Variants in NBPF26 observed in about 807,000 individuals in gnomAD.
The protein encoded by NBPF26 is NBPF member 26.
Under a neutral mutation model 119.6 loss-of-function variants are expected in NBPF26, and 79 were observed. That is an observed-to-expected ratio of 0.66 (90% confidence interval 0.55 to 0.80). NBPF26 has a LOEUF of 0.80. Among genes scored for constraint, NBPF26 ranks in the 30% least tolerant of loss-of-function variants. The pLI is 0.00. For synonymous variants in NBPF26, 299 were observed against 457.7 expected, an observed-to-expected ratio of 0.65 and a Z score of 4.43; for missense variants, 800 against 1,198.2, an observed-to-expected ratio of 0.67 and a Z score of 4.91.
chr1:120,792,396 C>T (rs1370289377), intron 3 of NBPF26, among the ~76,000 whole-genome samples: 5 of 77,152 alleles, frequency 6.5e-5, no homozygotes, highest in South Asian at 3.7e-4. Flanking sequence ...TCTGTGTTTG[C>T]GCACATGTAT....
intron 3 of NBPF26, 80 bp downstream of exon 3, chr1:120,785,313 G>A: frequency 8.7e-7 from 1 of 1,152,568 alleles, no homozygotes; most frequent in East Asian, 2.4e-5. Flanking sequence ...CATGGTGTCT[G>A]GCTCTTAAAT....
At chr1:120,809,213 C>G (rs1190110270) in intron 7 of NBPF26, among the ~76,000 whole-genome samples, 1 of 144,142 alleles carries the variant, frequency 6.9e-6, no homozygotes, top group Non-Finnish European at 1.5e-5. Flanking sequence ...TCTGAAGCAT[C>G]CAAATATGGG....
At position 120,724,284 on chromosome 1, in the gene NBPF26, G is replaced by A. The variant is rs1165592214; in HGVS notation, c.73+34G>A. 2.2e-6 allele frequency: 3 copies of A among 1,372,668 alleles called. 1 individual carries two copies. The highest frequency in any genetic ancestry group is 5.4e-5 in the African/African-American group (2 of 37,252). The allele number at this position is 1,372,668 out of a possible 1,614,324, so 85.0% of individuals were successfully genotyped here. On this transcript the variant is annotated intron_variant, in intron 1 of 29. Transcript: ENST00000620612. ...CGGGCTGAGGGGCGCTGTCCGCGGC[G>A]CCCGGGGCTGCCACCTGGGGCGACC... is the stretch of plus-strand genomic sequence containing the variant.
rs1651163561 is a variant in NBPF26, at chr1:120,764,138, T to A, written c.155+429T>A. Among the ~76,000 whole-genome samples the A allele has an allele frequency of 1.8e-5, 2 of 111,858 alleles. 1 individual carries two copies. Among genetic ancestry groups the A allele is most frequent in the Non-Finnish European group, 3.4e-5 (2 of 58,386 alleles). The allele number at this position is 111,858 out of a possible 152,430, so 73.4% of individuals were successfully genotyped here. A position where few individuals can be genotyped will look rare whatever the true frequency, so the allele number is the denominator to read the frequency against. On this transcript the variant is annotated intron_variant, in intron 2 of 29. Coordinates refer to ENST00000620612, the Ensembl canonical transcript of NBPF26. ...GGCGCATGACTGGAGTCCCAGCTAC[T>A]CGGGAGGCTGAGGCAGGAGAGTGAC... is the stretch of plus-strand genomic sequence containing the variant.
rs1339303940 is a variant in NBPF26 at position 120,787,176 on chromosome 1, A to AAT, written c.415+1954_415+1955dup. ...CCCAAAGTGTCTTGGTGGCAATCTT[A>AAT]ATATATATATATTGGCAATCTTTAT... On this transcript the variant is annotated intron_variant, in intron 3 of 29. Transcript: ENST00000620612. 8.7e-5 allele frequency among the ~76,000 whole-genome samples: 8 copies of AAT among 91,568 alleles called. 2 individuals are homozygous for AAT. The highest frequency in any genetic ancestry group is 6.8e-4 in the South Asian group (2 of 2,944). 60.1% of individuals were successfully genotyped at this position (91,568 alleles called of 152,430 possible).
At chr1:120,793,123 T>C (rs1333099387) in intron 3 of NBPF26, 38 bp from the exon 4 acceptor site, 1 of 884,184 alleles carries the variant, frequency 1.1e-6, no homozygotes, top group Non-Finnish European at 1.7e-6. Flanking sequence ...ATCTCCTATT[T>C]CTGTGGCCAG....
chr1:120,828,739 AT>A (rs1652281335), intron 18 of NBPF26, among the ~76,000 whole-genome samples: 1 of 98,938 alleles, frequency 1.0e-5, no homozygotes, highest in Non-Finnish European at 1.8e-5. Context: ...TGGCATAACC[AT>A]TTGCACAAAC....
In NBPF26 at chr1:120,840,543, G is replaced by C; in HGVS notation, c.4297G>C (p.Val1433Leu). Reference sequence around the variant, plus strand: ...GGACAATAGGTTTTTTACTTTGACGGTGACAAGTCTCCACCTGGTGTTCCA... The same window carrying C: ...GGACAATAGGTTTTTTACTTTGACGCTGACAAGTCTCCACCTGGTGTTCCA... Residue 1433 changes from valine (V) to leucine (L), a missense_variant, in exon 30 of 30, where the codon GTG becomes CTG. Around this residue, in one of 13 missense-constraint regions of NBPF26, gnomAD observed 155 missense variants for 95.9 expected, o/e 1.62. Transcript: ENST00000620612. 4.8e-6 allele frequency: 7 copies of C among 1,468,474 alleles called. 1 individual carries two copies. Among genetic ancestry groups the C allele is most frequent in the Non-Finnish European group, 6.4e-6 (7 of 1,085,968 alleles). 91.0% of individuals were successfully genotyped at this position (1,468,474 alleles called of 1,614,324 possible). A position where few individuals can be genotyped will look rare whatever the true frequency, so the allele number is the denominator to read the frequency against.
chr1:120,801,768 G>C (rs1651584423), intron 4 of NBPF26, among the ~76,000 whole-genome samples: 1 of 83,554 alleles, frequency 1.2e-5, no homozygotes, highest in South Asian at 3.7e-4. Context: ...GTTCAAGGTT[G>C]CAGTGATCTA....
exon 5 of NBPF26, chr1:120,805,585 G>C (rs1297626067): frequency 6.9e-6 from 10 of 1,455,548 alleles, no homozygotes; most frequent in Non-Finnish European, 9.3e-6. Context: ...TGCCACAAAC[G>C]TCAGCATGGT....
rs1469470189 is a variant in NBPF26, at chr1:120,838,509, T to C, written c.3822-236T>C. Among the ~76,000 whole-genome samples the C allele has an allele frequency of 2.2e-4, 12 of 53,340 alleles. 3 individuals carry two copies. Among genetic ancestry groups the C allele is most frequent in the African/African-American group, 9.6e-4 (12 of 12,516 alleles). 35.0% of individuals were successfully genotyped at this position (53,340 alleles called of 152,430 possible). The stretch of plus-strand genomic sequence containing the variant: ...AGCTCGTTCTCTCTCTCTCTCTCTC[T>C]GTGTGTGTGTGTGTGTGTGTGTGTG... On this transcript the variant is annotated intron_variant, in intron 27 of 29. Transcript: ENST00000620612.
At chr1:120,759,464 A>G (rs1651110944) in intron 1 of NBPF26, among the ~76,000 whole-genome samples, 2 of 62,388 alleles carry the variant, frequency 3.2e-5, no homozygotes, top group South Asian at 4.3e-4. Flanking sequence ...TCTCTATGGT[A>G]TGATTAATGT....
chr1:120,817,985 A>T, intron 14 of NBPF26, 138 bp from the exon 15 acceptor site: 1 of 505,214 alleles, frequency 2.0e-6, no homozygotes, highest in Non-Finnish European at 3.4e-6. Context: ...AATCTAGGAC[A>T]ACCTAGAATA....
chr1:120,804,340 T>A (rs1428651765), intron 4 of NBPF26, among the ~76,000 whole-genome samples: 1 of 105,924 alleles, frequency 9.4e-6, no homozygotes, highest in South Asian at 2.7e-4. Flanking sequence ...ACAGCAACAC[T>A]GAGGATCGCC....
chr1:120,803,390 G>A (rs1651605879), intron 4 of NBPF26, among the ~76,000 whole-genome samples: 1 of 128,518 alleles, frequency 7.8e-6, no homozygotes, highest in Admixed American at 7.5e-5. Context: ...ACACAGCCAA[G>A]GGAAGACCCA....
chr1:120,825,513 G>T lies in NBPF26; in HGVS notation c.2812+1367G>T, dbSNP rs1283499987. The stretch of plus-strand genomic sequence containing the variant: ...TTCTTTACTTTTTCCCACTTTTCCA[G>T]GCTCAGCGGGGAGCTGTTGGATGAG... On this transcript the variant is annotated intron_variant, in intron 18 of 29. Coordinates refer to ENST00000620612, the Ensembl canonical transcript of NBPF26. 0.015 allele frequency among the ~76,000 whole-genome samples: 1,674 copies of T among 111,990 alleles called. No homozygotes were observed. Among genetic ancestry groups the T allele is most frequent in the East Asian group, 0.031 (129 of 4,198 alleles). The allele number at this position is 111,990 out of a possible 152,430, so 73.5% of individuals were successfully genotyped here. A position where few individuals can be genotyped will look rare whatever the true frequency, so the allele number is the denominator to read the frequency against.
intron 4 of NBPF26, among the ~76,000 whole-genome samples, chr1:120,805,112 G>C (rs1651648952): frequency 1.6e-5 from 2 of 124,862 alleles, no homozygotes; most frequent in Non-Finnish European, 3.3e-5. Context: ...AAAGACACGG[G>C]TCTGTGGCAT....
chr1:120,815,515 C>G (rs1482938743), intron 12 of NBPF26, among the ~76,000 whole-genome samples: 3 of 100,794 alleles, frequency 3.0e-5, no homozygotes, highest in Non-Finnish European at 5.5e-5. Context: ...CTTACAACTG[C>G]TTTCCAAAAT....
At chr1:120,805,435 G>A in intron 4 of NBPF26, 121 bp from the exon 5 acceptor site, 2 of 1,341,648 alleles carry the variant, frequency 1.5e-6, no homozygotes, top group Non-Finnish European at 2.0e-6. Context: ...TGTGGGGAGT[G>A]ATCACATTTT....
Sources: gnomAD v4.1 joint callset for allele counts (sites outside exome capture counted in the v4.1 genomes callset) on GRCh38, gnomAD v4.1.1 for gene constraint, gnomAD v4.1.1 regional missense constraint, MANE v1.5 for transcripts, NCBI Gene and HGNC (gene_info 2026-07-23, HGNC 2026-07-21) for gene names.